EPB41L2: variants seen among roughly 807,000 people sequenced by gnomAD.
EPB41L2 encodes the protein band 4.1-like protein 2.
A neutral mutation model predicts 113.0 loss-of-function variants in EPB41L2; 43 were observed. That is an observed-to-expected ratio of 0.38 (90% CI 0.30 to 0.49). EPB41L2 has a LOEUF of 0.49. Ranked by LOEUF, EPB41L2 falls within the 20% of genes least tolerant of loss-of-function variation. The pLI is 0.95. For missense variants in EPB41L2, 1,147 were observed against 1,223.4 expected (o/e 0.94, Z 0.93); for synonymous variants, 442 against 436.7 (o/e 1.01, Z -0.15).
At chr6:131,060,207 A>C (rs574214631) in intron 1 of EPB41L2, among the ~76,000 whole-genome samples, 1 of 152,378 alleles carries the variant, frequency 6.6e-6, no homozygotes, top group African/African-American at 2.4e-5. Flanking sequence ...GAAACAAAAC[A>C]AAACCTTCAA....
chr6:131,029,268 T>C (rs551854352), intron 1 of EPB41L2, among the ~76,000 whole-genome samples: 66 of 152,052 alleles, frequency 4.3e-4, no homozygotes, highest in Non-Finnish European at 8.4e-4. Context: ...TGGGCTATAC[T>C]TGGGAAAAGC....
intron 1 of EPB41L2, among the ~76,000 whole-genome samples, chr6:130,966,396 A>G (rs746363959): frequency 2.0e-5 from 3 of 152,252 alleles, no homozygotes; most frequent in Non-Finnish European, 4.4e-5. Context: ...TTCAGACGGT[A>G]TAAGTGATAG....
chr6:130,956,723 G>A (rs750659699), intron 1 of EPB41L2, among the ~76,000 whole-genome samples: 10 of 152,136 alleles, frequency 6.6e-5, no homozygotes, highest in Non-Finnish European at 1.3e-4. Flanking sequence ...CATCACAATA[G>A]AACTCTGTGT....
chr6:130,964,249 T>C (rs1774400828), intron 1 of EPB41L2, among the ~76,000 whole-genome samples: 2 of 152,146 alleles, frequency 1.3e-5, no homozygotes, highest in Admixed American at 1.3e-4. Flanking sequence ...CTCAAACTCC[T>C]GACCTCAAGT....
intron 12 of EPB41L2, chr6:130,880,706 T>C (rs1789044202): frequency 4.9e-6 from 2 of 406,152 alleles, no homozygotes; most frequent in Admixed American, 4.3e-5. Context: ...AAAGGTGGAA[T>C]GGAGGATGGA....
Position 130,895,081 on chromosome 6 carries a change from A to G in EPB41L2, c.1275T>C (p.Ala425=), listed in dbSNP as rs772082678. Residue 425 remains alanine (A), a synonymous_variant, in exon 9 of 20, where the codon GCT becomes GCC. Transcript: ENST00000337057. The part of the protein sequence containing the change: ...EGVDIKLGVC[A]NGLLIYKDRL... ...TGTCTTTGTAAATGAGAAGTCCATTAGCACACACGCCCAGCTTGATGTCCA... is the reference window on the plus strand; with the variant it reads ...TGTCTTTGTAAATGAGAAGTCCATTGGCACACACGCCCAGCTTGATGTCCA... The G allele has an allele frequency of 1.2e-6, 2 of 1,613,484 alleles. No individual in the cohort carries two copies. Among genetic ancestry groups the G allele is most frequent in the African/African-American group, 2.7e-5 (2 of 74,908 alleles).
intron 12 of EPB41L2, chr6:130,880,430 T>C (rs1334904834): frequency 6.3e-6 from 4 of 636,042 alleles, no homozygotes; most frequent in Non-Finnish European, 1.1e-5. Flanking sequence ...ATGAGATGTT[T>C]AACTTTAGGG....
chr6:131,060,678 C>A (rs757425818), intron 1 of EPB41L2, among the ~76,000 whole-genome samples: 5 of 152,122 alleles, frequency 3.3e-5, no homozygotes, highest in Admixed American at 1.3e-4. Flanking sequence ...AATGATGGAC[C>A]CAGGCAGTCA....
At chr6:130,944,199 A>ACACACACACACG (rs1437573118) in intron 3 of EPB41L2, among the ~76,000 whole-genome samples, 1 of 151,312 alleles carries the variant, frequency 6.6e-6, no homozygotes, top group Non-Finnish European at 1.5e-5. Context: ...ACACACACAC[A>ACACACACACACG]CACACACAAA....
chr6:130,976,794 G>T lies in EPB41L2; in HGVS notation c.-14-20295C>A, dbSNP rs191600028. Reference sequence around the variant, plus strand: ...AGTAATCCAGCAGGTACATTAAACTGTATTATTTTCATTCTATTTTATGTC... The same window carrying T: ...AGTAATCCAGCAGGTACATTAAACTTTATTATTTTCATTCTATTTTATGTC... On this transcript the variant is annotated intron_variant, in intron 1 of 19. Coordinates refer to ENST00000337057, the MANE Select transcript of EPB41L2 (RefSeq NM_001431.4). Among the ~76,000 whole-genome samples, 5 of 152,296 alleles carry T rather than the reference G, an allele frequency of 3.3e-5. No individual in the cohort carries two copies. In the East Asian group the frequency reaches 7.7e-4, roughly 23 times the overall value.
intron 14 of EPB41L2, among the ~76,000 whole-genome samples, chr6:130,871,428 G>A (rs927745960): frequency 6.6e-6 from 1 of 152,128 alleles, no homozygotes; most frequent in Non-Finnish European, 1.5e-5. Context: ...CCACACCACT[G>A]AGCCCTCTGG....
intron 3 of EPB41L2, among the ~76,000 whole-genome samples, chr6:130,954,506 C>T (rs1391000850): frequency 6.6e-6 from 1 of 152,182 alleles, no homozygotes; most frequent in Non-Finnish European, 1.5e-5. Flanking sequence ...ATTCAAAGCA[C>T]TTCACACAGT....
intron 4 of EPB41L2, among the ~76,000 whole-genome samples, chr6:130,915,130 C>T (rs899351822): frequency 6.6e-6 from 1 of 151,770 alleles, no homozygotes; most frequent in Non-Finnish European, 1.5e-5. Flanking sequence ...GGTGAAACCC[C>T]GTCTCTACTA....
chr6:130,929,232 A>T (rs1055110701), intron 3 of EPB41L2, among the ~76,000 whole-genome samples: 1 of 152,256 alleles, frequency 6.6e-6, no homozygotes, highest in African/African-American at 2.4e-5. Flanking sequence ...AAATGTGACT[A>T]ACAGAAATCA....
intron 3 of EPB41L2, among the ~76,000 whole-genome samples, chr6:130,946,631 T>C (rs1812912255): frequency 6.6e-6 from 1 of 151,590 alleles, no homozygotes; most frequent in African/African-American, 2.4e-5. Flanking sequence ...AAGTAGAGGA[T>C]GAGGGGAGAA....
chr6:130,976,136 T>C (rs1041040301), intron 1 of EPB41L2, among the ~76,000 whole-genome samples: 3 of 152,240 alleles, frequency 2.0e-5, no homozygotes, highest in Non-Finnish European at 4.4e-5. Context: ...TGAACAAACA[T>C]GGACAGGAGT....
intron 18 of EPB41L2, 145 bp from the exon 19 acceptor site, chr6:130,858,388 G>T: frequency 1.7e-6 from 1 of 588,110 alleles, no homozygotes. Context: ...AGGAAGATTT[G>T]AAATGGGTTC....
intron 1 of EPB41L2, among the ~76,000 whole-genome samples, chr6:131,040,353 C>T (rs982502140): frequency 4.6e-5 from 7 of 152,124 alleles, no homozygotes; most frequent in African/African-American, 1.4e-4. Flanking sequence ...GCATGAGAAT[C>T]GCTTGAAACC....
intron 1 of EPB41L2, among the ~76,000 whole-genome samples, chr6:131,043,037 GC>G (rs1435007364): frequency 2.6e-5 from 4 of 152,160 alleles, no homozygotes; most frequent in Admixed American, 2.6e-4. Flanking sequence ...GGTGGCTCAG[GC>G]CTGTAATCCC....
Sources: gnomAD v4.1 joint callset for allele counts (sites outside exome capture counted in the v4.1 genomes callset) on GRCh38, gnomAD v4.1.1 for gene constraint, MANE v1.5 for transcripts, NCBI Gene and HGNC (gene_info 2026-07-23, HGNC 2026-07-21) for gene names.